PTPRT: variants seen among roughly 807,000 people sequenced by gnomAD.
PTPRT encodes the protein protein tyrosine phosphatase receptor type T.
A neutral mutation model predicts 176.8 loss-of-function variants in PTPRT; 56 were observed. That is an observed-to-expected ratio of 0.32 (90% CI 0.26 to 0.40). The LOEUF is 0.40. PTPRT is among the 10% of genes least tolerant of loss of function. The pLI is 1.00. For missense variants in PTPRT, 1,540 were observed against 1,908.2 expected, an observed-to-expected ratio of 0.81 and a Z score of 3.60; for synonymous variants, 783 against 739.0, an observed-to-expected ratio of 1.06 and a Z score of -0.96.
At chr20:43,155,088 C>T (rs140949881) in intron 1 of PTPRT, among the ~76,000 whole-genome samples, 74 of 152,286 alleles carry the variant, frequency 4.9e-4, no homozygotes, top group African/African-American at 1.7e-3. Flanking sequence ...AACCCTTATA[C>T]ACTGTTGGTG....
chr20:42,143,206 T>C (rs796181742), intron 17 of PTPRT, among the ~76,000 whole-genome samples: 2 of 152,122 alleles, frequency 1.3e-5, no homozygotes, highest in Admixed American at 1.3e-4. Flanking sequence ...ATCTGGCTCA[T>C]GTATGGAACA....
At chr20:42,051,190 C>T in the PTPRT span, among the ~76,000 whole-genome samples, 7 of 152,212 alleles carry the variant, frequency 4.6e-5, no homozygotes, top group Non-Finnish European at 1.0e-4. Context: ...CAAAAGTGGT[C>T]ATCGCCTGGA....
chr20:42,762,038 A>T (rs891721274), intron 5 of PTPRT, among the ~76,000 whole-genome samples: 3 of 152,234 alleles, frequency 2.0e-5, no homozygotes, highest in Admixed American at 6.5e-5. Context: ...TGCTTCACAG[A>T]AAACAGTTTT....
intron 14 of PTPRT, among the ~76,000 whole-genome samples, chr20:42,237,603 A>T (rs1230638300): frequency 6.6e-6 from 1 of 152,212 alleles, no homozygotes. Flanking sequence ...ATGGCTGAGA[A>T]TTCCATTCTC....
At chr20:42,992,814 G>A (rs1020740508) in intron 1 of PTPRT, among the ~76,000 whole-genome samples, 2 of 152,148 alleles carry the variant, frequency 1.3e-5, no homozygotes, top group African/African-American at 4.8e-5. Flanking sequence ...ATGCAGCTAA[G>A]GGCTGGTGAG....
At chr20:42,171,743 T>G (rs892816865) in intron 16 of PTPRT, among the ~76,000 whole-genome samples, 1 of 152,084 alleles carries the variant, frequency 6.6e-6, no homozygotes, top group African/African-American at 2.4e-5. Context: ...TTGTTACTTG[T>G]TTGATAGAAG....
intron 7 of PTPRT, among the ~76,000 whole-genome samples, chr20:42,634,670 GT>G (rs1266216695): frequency 6.6e-6 from 1 of 151,960 alleles, no homozygotes; most frequent in Non-Finnish European, 1.5e-5. Context: ...CGAAAAATAT[GT>G]CTTTTTTCTT....
chr20:42,973,247 A>G (rs1722234204), intron 1 of PTPRT, among the ~76,000 whole-genome samples: 1 of 152,178 alleles, frequency 6.6e-6, no homozygotes, highest in Non-Finnish European at 1.5e-5. Flanking sequence ...TGGTGGTGCC[A>G]TTTTGATCTG....
intron 1 of PTPRT, among the ~76,000 whole-genome samples, chr20:43,082,089 A>C (rs138762905): frequency 6.6e-6 from 1 of 152,108 alleles, no homozygotes; most frequent in African/African-American, 2.4e-5. Context: ...TATTGTGGTT[A>C]TTTTCCTAGA....
intron 17 of PTPRT, among the ~76,000 whole-genome samples, chr20:42,154,498 A>G (rs1989266396): frequency 6.6e-6 from 1 of 152,202 alleles, no homozygotes; most frequent in Non-Finnish European, 1.5e-5. Context: ...GAAAATGAAC[A>G]AATGTTTGCT....
rs1982621089 is a variant in PTPRT at position 42,074,868 on chromosome 20, C to CCA, written c.*6010_*6011insTG. On this transcript the variant is annotated 3_prime_UTR_variant, in exon 31 of 31. Coordinates refer to ENST00000373187, the MANE Select transcript of PTPRT (RefSeq NM_007050.6). The stretch of plus-strand genomic sequence containing the variant: ...AGTCAGTGCCATGCAAAAGCCCATC[C>CCA]CTGGTTACTAAAAAACTAGAAGAGT... 1.5e-5 allele frequency: 6 copies of CCA among 398,490 alleles called. No homozygotes were observed. The highest frequency in any genetic ancestry group is 4.4e-5 in the Admixed American group (1 of 22,714). The allele number at this position is 398,490 out of a possible 1,614,324, so 24.7% of individuals were successfully genotyped here.
intron 18 of PTPRT, among the ~76,000 whole-genome samples, chr20:42,141,403 C>T (rs1988621112): frequency 6.6e-6 from 1 of 152,202 alleles, no homozygotes; most frequent in African/African-American, 2.4e-5. Context: ...AGTGTGACTC[C>T]ACCTTCTTGG....
chr20:42,677,713 C>A (rs528862085), intron 7 of PTPRT, among the ~76,000 whole-genome samples, 153 bp downstream of exon 7: 7 of 152,050 alleles, frequency 4.6e-5, no homozygotes, highest in South Asian at 2.1e-4. Context: ...ACAAAAAAAA[C>A]CCCAAGGCCT....
At chr20:42,578,811 T>C (rs1174980470) in intron 7 of PTPRT, among the ~76,000 whole-genome samples, 1 of 151,798 alleles carries the variant, frequency 6.6e-6, no homozygotes, top group Non-Finnish European at 1.5e-5. Flanking sequence ...TCTTACTCTC[T>C]GTTCAGAACC....
chr20:42,894,229 A>G (rs766512648), intron 1 of PTPRT, among the ~76,000 whole-genome samples: 11 of 152,286 alleles, frequency 7.2e-5, no homozygotes, highest in Middle Eastern at 3.4e-3. Context: ...AGTATTTGCG[A>G]GAGGACCAGA....
At chr20:42,627,361 T>C (rs1156427867) in intron 7 of PTPRT, among the ~76,000 whole-genome samples, 1 of 152,006 alleles carries the variant, frequency 6.6e-6, no homozygotes, top group Non-Finnish European at 1.5e-5. Context: ...ACACCTGGGA[T>C]CAAACAACCC....
intron 7 of PTPRT, among the ~76,000 whole-genome samples, chr20:42,662,080 A>G (rs1330825453): frequency 2.0e-5 from 3 of 152,198 alleles, no homozygotes; most frequent in Non-Finnish European, 4.4e-5. Context: ...TTTAATGGTG[A>G]GGAAGGCCTA....
chr20:42,428,304 C>T (rs2059184748), intron 9 of PTPRT, among the ~76,000 whole-genome samples: 1 of 152,228 alleles, frequency 6.6e-6, no homozygotes, highest in Non-Finnish European at 1.5e-5. Flanking sequence ...TAGAAGCAGT[C>T]ATCCTGGTGG....
chr20:42,324,176 TA>T (rs2057847517), intron 11 of PTPRT, among the ~76,000 whole-genome samples: 1 of 152,226 alleles, frequency 6.6e-6, no homozygotes, highest in South Asian at 2.1e-4. Flanking sequence ...TGCAATAGAA[TA>T]TTATTCAGTA....
Sources: gnomAD v4.1 joint callset for allele counts (sites outside exome capture counted in the v4.1 genomes callset) on GRCh38, gnomAD v4.1.1 for gene constraint, MANE v1.5 for transcripts, NCBI Gene and HGNC (gene_info 2026-07-23, HGNC 2026-07-21) for gene names.